Variants in MTUS2 observed in about 807,000 individuals in gnomAD.
MTUS2 encodes the protein microtubule-associated tumor suppressor candidate 2.
In MTUS2, 40 loss-of-function variants were observed where a neutral mutation model predicts 114.1. That is an observed-to-expected ratio of 0.35 (90% CI 0.27 to 0.46). The LOEUF (loss-of-function observed/expected upper bound fraction) is 0.46, where lower values mean the gene tolerates loss of function less well. MTUS2 is among the 20% of genes least tolerant of loss of function. The pLI, the probability that MTUS2 is intolerant of heterozygous loss-of-function variation, is 1.00. For synonymous variants in MTUS2, 688 were observed against 672.0 expected, an observed-to-expected ratio of 1.02 and a Z score of -0.37; for missense variants, 1,679 against 1,705.4, an observed-to-expected ratio of 0.98 and a Z score of 0.27.
intron 8 of MTUS2, among the ~76,000 whole-genome samples, chr13:29,429,292 G>A (rs973679781): frequency 1.3e-5 from 2 of 152,140 alleles, no homozygotes; most frequent in Non-Finnish European, 2.9e-5. Context: ...GTTTTTCTTC[G>A]CCAAGTGCTA....
At chr13:28,949,737 C>T (rs11841613) in intron 2 of MTUS2, among the ~76,000 whole-genome samples, 9,422 of 152,234 alleles carry the variant, frequency 0.062, 975 homozygotes, top group African/African-American at 0.21. Context: ...GCTTATTTCA[C>T]TTAGCATAAT....
intron 8 of MTUS2, among the ~76,000 whole-genome samples, chr13:29,433,476 TATTG>T (rs1286173730): frequency 1.3e-5 from 2 of 152,184 alleles, no homozygotes; most frequent in African/African-American, 2.4e-5. Context: ...AAATAATACT[TATTG>T]ATTAACTCAA....
At chr13:28,879,354 C>A (rs1053231984) in intron 2 of MTUS2, among the ~76,000 whole-genome samples, 1 of 152,186 alleles carries the variant, frequency 6.6e-6, no homozygotes, top group Non-Finnish European at 1.5e-5. Context: ...TGAGAATGAC[C>A]TTTTCCTCAA....
chr13:29,143,455 C>A (rs1243008109), intron 5 of MTUS2, among the ~76,000 whole-genome samples: 3 of 152,088 alleles, frequency 2.0e-5, no homozygotes, highest in Admixed American at 6.5e-5. Flanking sequence ...ATTTTCTTAT[C>A]TAAAAAATGG....
intron 5 of MTUS2, among the ~76,000 whole-genome samples, chr13:29,152,749 G>A (rs541740208): frequency 4.4e-4 from 67 of 152,024 alleles, no homozygotes; most frequent in African/African-American, 1.6e-3. Flanking sequence ...GAAAACACAA[G>A]CTTTTACAAT....
At chr13:28,958,626 G>A (rs1261829675) in intron 2 of MTUS2, among the ~76,000 whole-genome samples, 1 of 152,210 alleles carries the variant, frequency 6.6e-6, no homozygotes, top group Non-Finnish European at 1.5e-5. Flanking sequence ...TCTGGAGGCA[G>A]CCACATTGAC....
At chr13:29,257,694 C>T (rs886782608) in intron 5 of MTUS2, among the ~76,000 whole-genome samples, 7 of 152,284 alleles carry the variant, frequency 4.6e-5, no homozygotes, top group African/African-American at 1.7e-4. Flanking sequence ...AGGAAGGTAA[C>T]GTTCACTGAA....
rs1882588424 is a variant in MTUS2, at chr13:29,496,917, AGAGGCACCTCT to A, written c.3580-316_3580-306del. Among the ~76,000 whole-genome samples, 1 of 152,164 alleles carries A rather than the reference AGAGGCACCTCT, an allele frequency of 6.6e-6. No homozygotes were observed. The highest frequency in any genetic ancestry group is 2.1e-4 in the South Asian group (1 of 4,824). ...CCAGGGGCTAGGTGCCTCCTGGACA[AGAGGCACCTCT>A]GAGGATTCTCTCCGAGGACTGTCTG... On this transcript the variant is annotated intron_variant, in intron 12 of 15. Transcript: ENST00000612955. This position sits in a 1 kb window ranked among gnomAD's most constrained non-coding sequence, Gnocchi z 4.3.
At chr13:29,269,841 G>A (rs956735484) in intron 5 of MTUS2, among the ~76,000 whole-genome samples, 2 of 152,160 alleles carry the variant, frequency 1.3e-5, no homozygotes, top group Non-Finnish European at 2.9e-5. Context: ...TTTAAATGTG[G>A]TATCTACGTA....
chr13:28,861,749 A>G (rs890630687), intron 2 of MTUS2, among the ~76,000 whole-genome samples: 1 of 152,082 alleles, frequency 6.6e-6, no homozygotes, highest in Non-Finnish European at 1.5e-5. Context: ...TGAGGCAGAT[A>G]TTCCCCGTAT....
At chr13:29,435,490 G>A (rs1201258339) in intron 8 of MTUS2, among the ~76,000 whole-genome samples, 1 of 152,196 alleles carries the variant, frequency 6.6e-6, no homozygotes, top group Non-Finnish European at 1.5e-5. Flanking sequence ...GGGGAGTAAT[G>A]ACTTGAGATC....
intron 2 of MTUS2, among the ~76,000 whole-genome samples, chr13:28,904,740 G>T (rs534999322): frequency 3.2e-4 from 49 of 151,846 alleles, no homozygotes; most frequent in African/African-American, 1.0e-3. Context: ...AATGCGGGCT[G>T]TTTTTTGGTT....
At chr13:29,403,384 C>T (rs1223856420) in intron 8 of MTUS2, among the ~76,000 whole-genome samples, 1 of 152,206 alleles carries the variant, frequency 6.6e-6, no homozygotes, top group African/African-American at 2.4e-5. Flanking sequence ...ACCACGATCA[C>T]CTAAACTAGG....
At chr13:29,353,901 C>G (rs1029534824) in intron 7 of MTUS2, among the ~76,000 whole-genome samples, 2 of 152,322 alleles carry the variant, frequency 1.3e-5, no homozygotes, top group African/African-American at 4.8e-5. Context: ...CCTCTCTCCA[C>G]AGGCAGGTAT....
chr13:29,215,162 T>C (rs997599094), intron 5 of MTUS2, among the ~76,000 whole-genome samples: 4 of 151,956 alleles, frequency 2.6e-5, no homozygotes, highest in African/African-American at 9.7e-5. Context: ...TGGCTATTGA[T>C]ACTTGTGTAT....
At chr13:29,161,035 G>C (rs1413317018) in intron 5 of MTUS2, among the ~76,000 whole-genome samples, 1 of 152,232 alleles carries the variant, frequency 6.6e-6, no homozygotes, top group Non-Finnish European at 1.5e-5. Flanking sequence ...AGGAAGGTGA[G>C]TGTGGTTTTA....
At chr13:28,968,342 A>G (rs576294058) in intron 2 of MTUS2, among the ~76,000 whole-genome samples, 5 of 152,334 alleles carry the variant, frequency 3.3e-5, no homozygotes, top group African/African-American at 1.2e-4. Context: ...GTGTTAAATA[A>G]AATGTATTCT....
intron 6 of MTUS2, among the ~76,000 whole-genome samples, chr13:29,322,133 C>T (rs1401332485): frequency 6.6e-6 from 1 of 152,094 alleles, no homozygotes; most frequent in Non-Finnish European, 1.5e-5. Context: ...TGATAAAATT[C>T]AAATTGTGCT....
intron 5 of MTUS2, among the ~76,000 whole-genome samples, chr13:29,103,426 T>C (rs144858083): frequency 3.3e-5 from 5 of 152,214 alleles, no homozygotes. Flanking sequence ...TATTGGTATA[T>C]GTAACAATAT....
Sources: allele counts gnomAD v4.1 joint callset (sites outside exome capture counted in the v4.1 genomes callset), GRCh38; gene constraint gnomAD v4.1.1; non-coding constraint Gnocchi (gnomAD v3.1); transcripts MANE v1.5; gene names NCBI Gene and HGNC (gene_info 2026-07-23, HGNC 2026-07-21).